The following CFAP54 variants were observed in gnomAD, a reference collection of about 807,000 sequenced individuals.
CFAP54 encodes the protein cilia- and flagella-associated protein 54.
In CFAP54, 290 loss-of-function variants were observed where a neutral mutation model predicts 370.4. The observed-to-expected ratio is 0.78, with a 90% CI of 0.71 to 0.86. CFAP54 has a LOEUF of 0.86. Among genes scored for constraint, CFAP54 ranks in the 40% least tolerant of loss-of-function variants. The pLI is 0.00. For missense variants in CFAP54, 3,399 were observed against 3,528.7 expected, an observed-to-expected ratio of 0.96 and a Z score of 0.93; for synonymous variants, 1,206 against 1,236.5, an observed-to-expected ratio of 0.98 and a Z score of 0.52.
intron 50 of CFAP54, among the ~76,000 whole-genome samples, chr12:96,737,610 C>T (rs898319437): frequency 6.6e-6 from 1 of 151,730 alleles, no homozygotes; most frequent in African/African-American, 2.4e-5. Context: ...CTGCCTCAGC[C>T]TCCTGAGTAG....
chr12:96,639,793 G>A (rs1331783517), intron 32 of CFAP54, among the ~76,000 whole-genome samples: 1 of 152,152 alleles, frequency 6.6e-6, no homozygotes, highest in African/African-American at 2.4e-5. Flanking sequence ...ATCAATAAAT[G>A]TAATCCAGCA....
rs1330351555 is a variant in CFAP54, at chr12:96,549,151, G to A, written c.2154+1173G>A. Among the ~76,000 whole-genome samples the A allele has an allele frequency of 8.5e-5, 13 of 152,320 alleles. No homozygotes were observed. In the East Asian group the frequency reaches 2.5e-3, roughly 29 times the overall value. ...TTACAGGTGTGAGCTACTGTGCCTG[G>A]CCTCTCTGGTAGATTTTTAAGGACA... On this transcript the variant is annotated intron_variant, in intron 15 of 67. Coordinates refer to ENST00000524981, the MANE Select transcript of CFAP54 (RefSeq NM_001306084.2).
At position 96,821,060 on chromosome 12, in the gene CFAP54, T is replaced by C. The variant is rs185325420; in HGVS notation, c.9096+3147T>C. Among the ~76,000 whole-genome samples, 206 of 152,280 alleles carry C rather than the reference T, an allele frequency of 1.4e-3. 2 individuals carry two copies. The highest frequency in any genetic ancestry group is 4.3e-4 in the Non-Finnish European group (29 of 68,018). On this transcript the variant is annotated intron_variant, in intron 65 of 67. Transcript: ENST00000524981. ...TAGATTGTACCCTCTGCCACTCAGCTTTACTACTGAAGGTCCGTCTCTTAG... is the reference window on the plus strand; with the variant it reads ...TAGATTGTACCCTCTGCCACTCAGCCTTACTACTGAAGGTCCGTCTCTTAG...
chr12:96,516,215 A>G (rs1258791670), intron 5 of CFAP54, among the ~76,000 whole-genome samples: 1 of 152,010 alleles, frequency 6.6e-6, no homozygotes, highest in Non-Finnish European at 1.5e-5. Flanking sequence ...GCGTCCGGCC[A>G]TTACCTCTAT....
At chr12:96,570,665 TG>T (rs1955907976) in intron 19 of CFAP54, among the ~76,000 whole-genome samples, 1 of 152,208 alleles carries the variant, frequency 6.6e-6, no homozygotes, top group South Asian at 2.1e-4. Flanking sequence ...CAGGGATTCT[TG>T]GGAAGATTCA....
chr12:96,810,064 G>T (rs1958916183), intron 63 of CFAP54, among the ~76,000 whole-genome samples: 1 of 152,108 alleles, frequency 6.6e-6, no homozygotes, highest in African/African-American at 2.4e-5. Flanking sequence ...GCAAGGGAAA[G>T]GAGGAGTCTC....
At chr12:96,859,184 G>A (rs1236992716) in intron 66 of CFAP54, among the ~76,000 whole-genome samples, 1 of 152,132 alleles carries the variant, frequency 6.6e-6, no homozygotes, top group Non-Finnish European at 1.5e-5. Context: ...AAATGGTGCT[G>A]GGGTAGCTGG....
chr12:96,651,992 A>G (rs1956864024), intron 36 of CFAP54, among the ~76,000 whole-genome samples, 177 bp downstream of exon 36: 1 of 152,200 alleles, frequency 6.6e-6, no homozygotes, highest in African/African-American at 2.4e-5. Context: ...TTAACTAACA[A>G]TAGCTTAGCC....
chr12:96,706,639 GT>G (rs1225603514), intron 47 of CFAP54, among the ~76,000 whole-genome samples: 1 of 152,146 alleles, frequency 6.6e-6, no homozygotes, highest in Non-Finnish European at 1.5e-5. Context: ...GCAGAAGTGT[GT>G]CCTGACTGAT....
chr12:96,742,325 T>C, intron 51 of CFAP54, 114 bp from the exon 52 acceptor site: 1 of 676,900 alleles, frequency 1.5e-6, no homozygotes, highest in Non-Finnish European at 2.4e-6. Context: ...AATTTAAAAT[T>C]GTAATACTGT....
chr12:96,768,611 G>T (rs762049197), intron 60 of CFAP54, among the ~76,000 whole-genome samples: 1 of 151,662 alleles, frequency 6.6e-6, no homozygotes, highest in Non-Finnish European at 1.5e-5. Flanking sequence ...CCGAGATCAC[G>T]CCACTCACTG....
chr12:96,822,008 A>G (rs144948371), intron 65 of CFAP54, among the ~76,000 whole-genome samples: 10 of 152,268 alleles, frequency 6.6e-5, no homozygotes, highest in African/African-American at 2.2e-4. Context: ...CCTTTTATGT[A>G]TATCCCCCCA....
intron 19 of CFAP54, among the ~76,000 whole-genome samples, chr12:96,569,925 A>G (rs1325889965): frequency 6.6e-6 from 1 of 152,062 alleles, no homozygotes; most frequent in East Asian, 1.9e-4. Context: ...AATCAATTCT[A>G]TCTGATTTTT....
intron 47 of CFAP54, 51 bp from the exon 48 acceptor site, chr12:96,708,557 C>T (rs762780181): frequency 4.8e-6 from 7 of 1,462,450 alleles, no homozygotes; most frequent in Non-Finnish European, 6.6e-6. Flanking sequence ...ATAATAATAT[C>T]TGAAAAAGTA....
intron 25 of CFAP54, among the ~76,000 whole-genome samples, chr12:96,597,327 A>G (rs2136440007): frequency 1.3e-5 from 2 of 152,072 alleles, no homozygotes; most frequent in East Asian, 3.9e-4. Flanking sequence ...ACTGGGACAC[A>G]GTGTTATGTA....
At chr12:96,539,062 AG>A (rs200104896) in intron 13 of CFAP54, among the ~76,000 whole-genome samples, 36 of 96,940 alleles carry the variant, frequency 3.7e-4, no homozygotes, top group African/African-American at 1.4e-3. Flanking sequence ...CGGCCTTTTC[AG>A]GTTTTTTTTT....
chr12:96,688,426 C>T (rs938438551), intron 42 of CFAP54, among the ~76,000 whole-genome samples: 2 of 152,168 alleles, frequency 1.3e-5, no homozygotes, highest in Non-Finnish European at 2.9e-5. Context: ...GGGGTTCATT[C>T]AGTGGAACCA....
At chr12:96,678,064 G>A (rs967708471) in intron 39 of CFAP54, among the ~76,000 whole-genome samples, 4 of 152,062 alleles carry the variant, frequency 2.6e-5, no homozygotes, top group Non-Finnish European at 5.9e-5. Context: ...TCTGGGGAAG[G>A]CACTGGACTT....
intron 26 of CFAP54, among the ~76,000 whole-genome samples, chr12:96,609,782 G>A (rs1471392234): frequency 2.0e-5 from 3 of 152,084 alleles, no homozygotes; most frequent in Non-Finnish European, 4.4e-5. Flanking sequence ...TAGAAATGGA[G>A]AGGGTAAGAT....
Sources: allele counts gnomAD v4.1 joint callset (sites outside exome capture counted in the v4.1 genomes callset), GRCh38; gene constraint gnomAD v4.1.1; transcripts MANE v1.5; gene names NCBI Gene and HGNC (gene_info 2026-07-23, HGNC 2026-07-21).